Variants in LUZP2 observed in about 807,000 individuals in gnomAD.
LUZP2 encodes leucine zipper protein 2.
A neutral mutation model predicts 51.6 loss-of-function variants in LUZP2; 52 were observed. The ratio of observed to expected loss-of-function variants is 1.01; its 90% CI spans 0.81 to 1.27. The LOEUF (loss-of-function observed/expected upper bound fraction) is 1.27, where lower values mean the gene tolerates loss of function less well. LUZP2 is among the 50% of genes most tolerant of loss of function. The probability of loss-of-function intolerance (pLI) is 0.00; values close to 1 mark genes in which losing one functional copy is unlikely to be tolerated. For synonymous variants in LUZP2, 154 were observed against 137.3 expected (o/e 1.12, Z -0.85); for missense variants, 436 against 395.4 (o/e 1.10, Z -0.87).
At chr11:24,517,658 G>T (rs1388330155) in intron 1 of LUZP2, among the ~76,000 whole-genome samples, 1 of 151,656 alleles carries the variant, frequency 6.6e-6, no homozygotes, top group Non-Finnish European at 1.5e-5. Flanking sequence ...TGTAAATTGT[G>T]GAGCCAATAA....
At chr11:25,005,484 G>C (rs2133949534) in intron 9 of LUZP2, among the ~76,000 whole-genome samples, 1 of 152,126 alleles carries the variant, frequency 6.6e-6, no homozygotes. Flanking sequence ...CCAGGCCATG[G>C]TGCAGAAAAA....
rs188267034 is a variant in LUZP2, at chr11:24,550,166, T to C, written c.62+52861T>C. 2.1e-4 allele frequency among the ~76,000 whole-genome samples: 32 copies of C among 152,206 alleles called. 1 individual carries two copies. The highest frequency in any genetic ancestry group is 2.0e-3 in the Admixed American group (31 of 15,250). ...GTCAATCTCACTATAATGACTCAAA[T>C]GTGCTAGCTCTTCTGATACTAATTG... On this transcript the variant is annotated intron_variant, in intron 1 of 11. Transcript: ENST00000336930.
At chr11:24,682,787 CGAGATCAA>C (rs1856786719) in intron 1 of LUZP2, among the ~76,000 whole-genome samples, 1 of 151,702 alleles carries the variant, frequency 6.6e-6, no homozygotes, top group Non-Finnish European at 1.5e-5. Flanking sequence ...AGGTGGATCA[CGAGATCAA>C]GAGATCGAGA....
At chr11:24,739,433 G>A (rs1442353830) in intron 4 of LUZP2, among the ~76,000 whole-genome samples, 1 of 152,006 alleles carries the variant, frequency 6.6e-6, no homozygotes, top group African/African-American at 2.4e-5. Context: ...GTCTCTGGGA[G>A]GAGGACTTCT....
chr11:24,533,190 C>A (rs1393422950), intron 1 of LUZP2, among the ~76,000 whole-genome samples: 2 of 151,166 alleles, frequency 1.3e-5, no homozygotes, highest in Non-Finnish European at 3.0e-5. Context: ...ACACCAAAAG[C>A]AAGATCTTTC....
intron 9 of LUZP2, among the ~76,000 whole-genome samples, chr11:24,984,341 A>G (rs1856125188): frequency 6.6e-6 from 1 of 151,238 alleles, no homozygotes; most frequent in Non-Finnish European, 1.5e-5. Flanking sequence ...CATAAATAAT[A>G]GAATGAAGTA....
At chr11:24,991,833 T>G (rs929356803) in intron 9 of LUZP2, among the ~76,000 whole-genome samples, 1 of 152,134 alleles carries the variant, frequency 6.6e-6, no homozygotes, top group Non-Finnish European at 1.5e-5. Flanking sequence ...ATGTTGAGCA[T>G]TTTTTCATAT....
chr11:24,839,963 C>T lies in LUZP2; in HGVS notation c.397-66028C>T, dbSNP rs528441552. 6.6e-5 allele frequency among the ~76,000 whole-genome samples: 10 copies of T among 151,752 alleles called. No individual in the cohort carries two copies. In the East Asian group the frequency reaches 1.7e-3, roughly 26 times the overall value. Reference sequence around the variant, plus strand: ...ATTGATTATTCTCTCAAATATCATGCCATCTAGCCCCAGCATATTTTGCCA... The same window carrying T: ...ATTGATTATTCTCTCAAATATCATGTCATCTAGCCCCAGCATATTTTGCCA... On this transcript the variant is annotated intron_variant, in intron 5 of 11. Coordinates refer to ENST00000336930, the MANE Select transcript of LUZP2 (RefSeq NM_001009909.4).
intron 9 of LUZP2, among the ~76,000 whole-genome samples, chr11:25,022,499 C>A (rs891680007): frequency 6.6e-6 from 1 of 151,958 alleles, no homozygotes. Flanking sequence ...ATCAATTGTC[C>A]TTCATCATTT....
At chr11:24,962,203 T>G (rs7945287) in intron 7 of LUZP2, among the ~76,000 whole-genome samples, 151,192 of 152,230 alleles carry the variant, frequency 0.99, 75,098 homozygotes, top group Middle Eastern at 1. Context: ...TTTCAACTTT[T>G]GGGAATTTGA....
chr11:24,546,958 T>A, intron 1 of LUZP2, among the ~76,000 whole-genome samples: 1 of 36,478 alleles, frequency 2.7e-5, no homozygotes, highest in East Asian at 4.6e-4. Context: ...TTGTTGTTGT[T>A]GTTGTTGGTG....
At chr11:24,904,317 C>T (rs1433678886) in intron 5 of LUZP2, among the ~76,000 whole-genome samples, 2 of 151,938 alleles carry the variant, frequency 1.3e-5, no homozygotes, top group Non-Finnish European at 2.9e-5. Context: ...GAGTCTTGCT[C>T]TGCCACCCAG....
intron 1 of LUZP2, among the ~76,000 whole-genome samples, chr11:24,634,453 G>A (rs1054411575): frequency 1.3e-5 from 2 of 152,054 alleles, no homozygotes; most frequent in Admixed American, 1.3e-4. Context: ...CATATCAGAA[G>A]ATAAGCCAAG....
At chr11:25,033,302 C>CTT (rs1239941556) in intron 9 of LUZP2, among the ~76,000 whole-genome samples, 1 of 152,112 alleles carries the variant, frequency 6.6e-6, no homozygotes, top group Non-Finnish European at 1.5e-5. Flanking sequence ...ATTCGCAGTC[C>CTT]AGCTAGGTGC....
intron 4 of LUZP2, among the ~76,000 whole-genome samples, chr11:24,741,512 C>T (rs970825292): frequency 6.6e-6 from 1 of 151,842 alleles, no homozygotes; most frequent in Non-Finnish European, 1.5e-5. Context: ...GTGCACCCAT[C>T]AGCCAAGCAG....
At chr11:24,873,744 A>G (rs1285420305) in intron 5 of LUZP2, among the ~76,000 whole-genome samples, 1 of 152,144 alleles carries the variant, frequency 6.6e-6, no homozygotes, top group African/African-American at 2.4e-5. Flanking sequence ...TTAGATAATG[A>G]TCTACATTTT....
intron 5 of LUZP2, among the ~76,000 whole-genome samples, chr11:24,815,047 A>C (rs1193044374): frequency 6.6e-6 from 1 of 150,888 alleles, no homozygotes; most frequent in Non-Finnish European, 1.5e-5. Flanking sequence ...TTATTATATT[A>C]TTATTAAGTA....
chr11:24,962,873 T>G (rs1193042793), intron 7 of LUZP2, among the ~76,000 whole-genome samples: 1 of 152,182 alleles, frequency 6.6e-6, no homozygotes. Context: ...CTGCTCTGTT[T>G]TTTCCCCATC....
intron 4 of LUZP2, among the ~76,000 whole-genome samples, chr11:24,741,893 AC>A (rs1859161667): frequency 7.2e-6 from 1 of 138,982 alleles, no homozygotes; most frequent in South Asian, 2.1e-4. Context: ...ATATTTATAT[AC>A]ATATATATTT....
Sources: gnomAD v4.1 joint callset for allele counts (sites outside exome capture counted in the v4.1 genomes callset) on GRCh38, gnomAD v4.1.1 for gene constraint, MANE v1.5 for transcripts, NCBI Gene and HGNC (gene_info 2026-07-23, HGNC 2026-07-21) for gene names.